MDN1: variants seen among roughly 807,000 people sequenced by gnomAD.
MDN1 encodes midasin AAA ATPase 1.
A neutral mutation model predicts 669.2 loss-of-function variants in MDN1; 266 were observed. That is an observed-to-expected ratio of 0.40 (90% CI 0.36 to 0.44). The LOEUF (loss-of-function observed/expected upper bound fraction) is 0.44, where lower values mean the gene tolerates loss of function less well. Ranked by LOEUF, MDN1 falls within the 20% of genes least tolerant of loss-of-function variation. The probability of loss-of-function intolerance (pLI) is 1.00; values close to 1 mark genes in which losing one functional copy is unlikely to be tolerated. For missense variants in MDN1, 5,940 were observed against 6,754.0 expected (o/e 0.88, Z 4.22); for synonymous variants, 2,385 against 2,457.1 (o/e 0.97, Z 0.87).
At chr6:89,729,698 T>G (rs1815464555) in intron 35 of MDN1, among the ~76,000 whole-genome samples, 2 of 149,676 alleles carry the variant, frequency 1.3e-5, no homozygotes, top group Admixed American at 6.7e-5. Context: ...TTTTTTTTTT[T>G]GTACACCAGT....
At chr6:89,681,126 G>A (rs1232638150) in intron 73 of MDN1, among the ~76,000 whole-genome samples, 3 of 152,062 alleles carry the variant, frequency 2.0e-5, no homozygotes, top group Non-Finnish European at 4.4e-5. Flanking sequence ...TCCTACTCCT[G>A]TGACCAGTTA....
At chr6:89,791,090 T>C (rs949155182) in intron 5 of MDN1, among the ~76,000 whole-genome samples, 5 of 151,908 alleles carry the variant, frequency 3.3e-5, no homozygotes, top group African/African-American at 1.2e-4. Context: ...CCATTTTTAT[T>C]GGGGGTGAGG....
At position 89,750,446 on chromosome 6, in the gene MDN1, C is replaced by T. The variant is rs375475366; in HGVS notation, c.3314G>A (p.Cys1105Tyr). The change falls in exon 24 of 102, where the codon TGT becomes TAT. Residue 1105 changes from cysteine to tyrosine, a missense_variant. Physicochemically the swap from Cys to Tyr is radical, Grantham distance 194. Transcript: ENST00000369393. Reference protein sequence around the residue: ...QWLAAATGNHCVRINNHEHTD... With the variant: ...QWLAAATGNHYVRINNHEHTD... ...GTGTTCGTGATTATTAATACGCACA[C>T]AGTGGTTGCCAGTAGCTGCAGCCAG... 2.4e-5 allele frequency: 38 copies of T among 1,614,014 alleles called. No individual in the cohort carries two copies. Among genetic ancestry groups the T allele is most frequent in the Non-Finnish European group, 3.1e-5 (36 of 1,179,898 alleles).
At chr6:89,677,423 G>T in intron 76 of MDN1, 147 bp downstream of exon 76, 2 of 936,488 alleles carry the variant, frequency 2.1e-6, no homozygotes, top group Non-Finnish European at 3.1e-6. Flanking sequence ...TCCATCAGGA[G>T]TCAGATCCTG....
chr6:89,652,346 G>C, intron 94 of MDN1, 65 bp from the exon 95 acceptor site: 1 of 1,233,226 alleles, frequency 8.1e-7, no homozygotes, highest in Non-Finnish European at 1.2e-6. Context: ...GTATCACTGG[G>C]TGTCTTCCGC....
chr6:89,734,471 G>C (rs1326142671), intron 33 of MDN1, among the ~76,000 whole-genome samples: 6 of 151,794 alleles, frequency 4.0e-5, no homozygotes, highest in Non-Finnish European at 8.8e-5. Flanking sequence ...TGGCCAATAT[G>C]GCAAAACCCT....
chr6:89,677,237 C>T (rs1054283389), intron 76 of MDN1, among the ~76,000 whole-genome samples: 17 of 152,172 alleles, frequency 1.1e-4, no homozygotes, highest in Admixed American at 3.9e-4. Flanking sequence ...GGATTATAAG[C>T]ATGTGCCACC....
At chr6:89,685,297 T>C (rs10484885) in intron 70 of MDN1, among the ~76,000 whole-genome samples, 15,297 of 152,164 alleles carry the variant, frequency 0.1, 969 homozygotes, top group South Asian at 0.16. Flanking sequence ...GTGAAACTTA[T>C]TGTAAAATCA....
At chr6:89,792,428 T>C (rs1819317892) in intron 5 of MDN1, among the ~76,000 whole-genome samples, 1 of 152,068 alleles carries the variant, frequency 6.6e-6, no homozygotes, top group Admixed American at 6.6e-5. Flanking sequence ...GCAGGTCCAT[T>C]CTAACCAGAA....
intron 53 of MDN1, among the ~76,000 whole-genome samples, chr6:89,702,352 A>G (rs1017235337): frequency 6.6e-6 from 1 of 152,238 alleles, no homozygotes; most frequent in Non-Finnish European, 1.5e-5. Flanking sequence ...TATAGATTTT[A>G]TGAGAAACTA....
At chr6:89,702,160 C>T (rs933644968) in intron 53 of MDN1, 99 bp from the exon 54 acceptor site, 10 of 1,168,162 alleles carry the variant, frequency 8.6e-6, no homozygotes, top group East Asian at 5.2e-5. Flanking sequence ...CAACATCTCC[C>T]GGGAAAAGAC....
intron 15 of MDN1, among the ~76,000 whole-genome samples, chr6:89,766,947 G>A (rs561436574): frequency 6.6e-6 from 1 of 152,126 alleles, no homozygotes; most frequent in South Asian, 2.1e-4. Context: ...TCATTGCCAA[G>A]CTCTCCAGGG....
Position 89,652,542 on chromosome 6 carries a change from C to G in MDN1, c.15826-261G>C, listed in dbSNP as rs192550291. ...TGTAGCAAAACAAAACCCAAACACCCTTAAGTCATCAATAATGAAAATGTT... is the reference window on the plus strand; with the variant it reads ...TGTAGCAAAACAAAACCCAAACACCGTTAAGTCATCAATAATGAAAATGTT... On this transcript the variant is annotated intron_variant, in intron 94 of 101. Transcript: ENST00000369393. Among the ~76,000 whole-genome samples the G allele has an allele frequency of 3.3e-5, 5 of 152,324 alleles. No homozygotes were observed. In the East Asian group the frequency reaches 9.6e-4, roughly 29 times the overall value.
rs973968149 is a variant in MDN1, at chr6:89,702,637, G to C, written c.8149-576C>G. Reference sequence around the variant, plus strand: ...ATGTCTTGCTCATTTTAAAAACTAGGTTGTATTATAGCTAGTTTATGGAAT... The same window carrying C: ...ATGTCTTGCTCATTTTAAAAACTAGCTTGTATTATAGCTAGTTTATGGAAT... On this transcript the variant is annotated intron_variant, in intron 53 of 101. Transcript: ENST00000369393. Among the ~76,000 whole-genome samples the C allele has an allele frequency of 9.9e-5, 15 of 152,138 alleles. No individual in the cohort carries two copies. The East Asian group carries it at 2.7e-3, about 27-fold the overall frequency.
intron 17 of MDN1, 151 bp downstream of exon 17, chr6:89,761,493 TA>T: frequency 2.0e-6 from 1 of 505,162 alleles, no homozygotes; most frequent in Non-Finnish European, 3.5e-6. Context: ...ATTAAGATCT[TA>T]TAATTGCCAT....
chr6:89,682,602 G>C (rs999423695), intron 73 of MDN1, among the ~76,000 whole-genome samples: 7 of 151,240 alleles, frequency 4.6e-5, no homozygotes, highest in African/African-American at 1.7e-4. Context: ...CAGCTACTCG[G>C]GAGGCTGAGG....
At chr6:89,706,307 A>C in intron 52 of MDN1, 115 bp from the exon 53 acceptor site, 1 of 1,128,120 alleles carries the variant, frequency 8.9e-7, no homozygotes, top group Non-Finnish European at 1.2e-6. Flanking sequence ...TACAAAGGTC[A>C]ATTTTGAGAG....
Position 89,723,590 on chromosome 6 carries a change from G to A in MDN1, c.5700C>T (p.Asp1900=), listed in dbSNP as rs375883174. ...QVFVDPLTVI[D]MEFIASTLFP... ...ACAAAGTACTGGCAATGAACTCCAT[G>A]TCAATTACTGTAAGGGGATCAACGA... Residue 1900 remains aspartate, a synonymous_variant, in exon 39 of 102, where the codon GAC becomes GAT. Coordinates refer to ENST00000369393, the MANE Select transcript of MDN1 (RefSeq NM_014611.3). The A allele has an allele frequency of 2.5e-6, 4 of 1,596,044 alleles. No homozygotes were observed. The African/African-American group carries it at 5.4e-5, about 22-fold the overall frequency.
chr6:89,793,975 G>T, intron 4 of MDN1, 21 bp from the exon 5 acceptor site: 1 of 1,583,064 alleles, frequency 6.3e-7, no homozygotes, highest in Non-Finnish European at 8.7e-7. Flanking sequence ...GGAGAGTCTC[G>T]TCAATTACCT....
Sources: allele counts gnomAD v4.1 joint callset (sites outside exome capture counted in the v4.1 genomes callset), GRCh38; gene constraint gnomAD v4.1.1; transcripts MANE v1.5; gene names NCBI Gene and HGNC (gene_info 2026-07-23, HGNC 2026-07-21).